The following KDM1B variants were observed in gnomAD, a reference collection of about 807,000 sequenced individuals.
KDM1B encodes lysine demethylase 1B.
KDM1B carries 63 observed loss-of-function variants against 107.4 expected under a neutral mutation model. The ratio of observed to expected loss-of-function variants is 0.59; its 90% CI spans 0.48 to 0.72. The LOEUF (loss-of-function observed/expected upper bound fraction) is 0.72, where lower values mean the gene tolerates loss of function less well. KDM1B is among the 30% of genes least tolerant of loss of function. KDM1B has a pLI of 0.00. For synonymous variants in KDM1B, 363 were observed against 363.9 expected (o/e 1.00, Z 0.03); for missense variants, 749 against 1,020.8 (o/e 0.73, Z 3.63).
At chr6:18,187,707 A>G (rs1786968194) in intron 8 of KDM1B, 85 bp from the exon 9 acceptor site, 3 of 900,042 alleles carry the variant, frequency 3.3e-6, no homozygotes, top group Non-Finnish European at 5.3e-6. Flanking sequence ...AAGTGAAACG[A>G]AGAGAACCCT....
rs1554154509 is a variant in KDM1B at position 18,223,353 on chromosome 6, C to CCCA, written c.*1362_*1364dup. On this transcript the variant is annotated 3_prime_UTR_variant, in exon 22 of 22. Transcript: ENST00000650836. ...CCCCCACCGCCCGCCCCCCGCCCCC[C>CCCA]CCAATCAAAGTGTGGTCCCAAAACA... 18 of 136,954 alleles carry CCCA rather than the reference C, an allele frequency of 1.3e-4. No individual in the cohort carries two copies. The highest frequency in any genetic ancestry group is 5.0e-4 in the African/African-American group (18 of 35,920). 8.5% of individuals were successfully genotyped at this position (136,954 alleles called of 1,614,324 possible). A position where few individuals can be genotyped will look rare whatever the true frequency, so the allele number is the denominator to read the frequency against.
chr6:18,193,213 AAAG>A (rs1787400786), intron 10 of KDM1B, among the ~76,000 whole-genome samples: 1 of 150,822 alleles, frequency 6.6e-6, no homozygotes, highest in Non-Finnish European at 1.5e-5. Context: ...AAAAAAAAAA[AAAG>A]AATTTATATA....
In KDM1B at chr6:18,203,681, T is replaced by C. The variant is rs920719895; in HGVS notation, c.1532-1856T>C. On this transcript the variant is annotated intron_variant, in intron 14 of 21. Transcript: ENST00000650836. This position sits in a 1 kb window ranked among gnomAD's most constrained non-coding sequence, Gnocchi z 5.5. ...CAGCCTGGCTAACATGGTGAAACCC[T>C]GTCTCTACTAATAATACAAAAATTA... Among the ~76,000 whole-genome samples, 40 of 151,796 alleles carry C rather than the reference T, an allele frequency of 2.6e-4. No homozygotes were observed. Among genetic ancestry groups the C allele is most frequent in the Non-Finnish European group, 8.8e-5 (6 of 67,910 alleles).
intron 21 of KDM1B, among the ~76,000 whole-genome samples, chr6:18,219,931 A>G (rs1789549452): frequency 6.6e-6 from 1 of 152,166 alleles, no homozygotes; most frequent in South Asian, 2.1e-4. Context: ...CTGATCTCTA[A>G]GTCACATCTC....
At chr6:18,169,868 T>C (rs1322326938) in intron 6 of KDM1B, among the ~76,000 whole-genome samples, 5 of 152,186 alleles carry the variant, frequency 3.3e-5, no homozygotes, top group Non-Finnish European at 7.3e-5. Context: ...TGCATGCTTT[T>C]AAAAAATAAA....
Position 18,201,678 on chromosome 6 carries a change from T to C in KDM1B, c.1531+21T>C. The C allele has an allele frequency of 6.6e-7, 1 of 1,522,194 alleles. No homozygotes were observed. The highest frequency in any genetic ancestry group is 8.8e-7 in the Non-Finnish European group (1 of 1,134,404). The allele number at this position is 1,522,194 out of a possible 1,614,324, so 94.3% of individuals were successfully genotyped here. ...AGGAGGTATGGGGAGAACGGTGTTC[T>C]GATTGTTCCATCTCAGTTTCGTTGT... is the stretch of plus-strand genomic sequence containing the variant. On this transcript the variant is annotated intron_variant, in intron 14 of 21. Transcript: ENST00000650836. This position sits in a 1 kb window ranked among gnomAD's most constrained non-coding sequence, Gnocchi z 4.3.
chr6:18,221,830 T>A, intron 21 of KDM1B, 79 bp from the exon 22 acceptor site: 1 of 1,148,840 alleles, frequency 8.7e-7, no homozygotes, highest in Non-Finnish European at 1.3e-6. Flanking sequence ...TTAGACCAGA[T>A]AAAGTCTAAC....
intron 6 of KDM1B, among the ~76,000 whole-genome samples, 178 bp downstream of exon 6, chr6:18,166,556 G>A (rs1228033032): frequency 1.3e-5 from 2 of 152,162 alleles, no homozygotes; most frequent in Non-Finnish European, 2.9e-5. Context: ...TATAAAAGAG[G>A]AAACTAGGCT....
chr6:18,181,422 A>G (rs1204788536), intron 7 of KDM1B, among the ~76,000 whole-genome samples: 3 of 152,204 alleles, frequency 2.0e-5, no homozygotes, highest in Non-Finnish European at 4.4e-5. Context: ...TTATCCCAAG[A>G]AATAAGTTTC....
At chr6:18,196,193 C>T (rs1293109764) in intron 10 of KDM1B, among the ~76,000 whole-genome samples, 1 of 152,102 alleles carries the variant, frequency 6.6e-6, no homozygotes, top group Admixed American at 6.6e-5. Flanking sequence ...GAATAGTATT[C>T]CATTGTGTGG....
intron 5 of KDM1B, among the ~76,000 whole-genome samples, chr6:18,165,912 T>C (rs1258028515): frequency 6.6e-6 from 1 of 152,138 alleles, no homozygotes; most frequent in Admixed American, 6.6e-5. Context: ...TCGCTTGAGC[T>C]TGGGAGTTCG....
Position 18,201,384 on chromosome 6 carries a change from G to A in KDM1B, c.1360-102G>A, listed in dbSNP as rs1788020264. ...TTAGCTTTATTTTTGAGAGATATGA[G>A]ACCATTTTCTCCATGAGAGCTCTGT... On this transcript the variant is annotated intron_variant, in intron 13 of 21. Transcript: ENST00000650836. This position sits in a 1 kb window ranked among gnomAD's most constrained non-coding sequence, Gnocchi z 4.3. 6 of 807,832 alleles carry A rather than the reference G, an allele frequency of 7.4e-6. No individual in the cohort carries two copies. Among genetic ancestry groups the A allele is most frequent in the Non-Finnish European group, 5.8e-6 (3 of 517,252 alleles). The allele number at this position is 807,832 out of a possible 1,614,324, so 50.0% of individuals were successfully genotyped here. A position where few individuals can be genotyped will look rare whatever the true frequency, so the allele number is the denominator to read the frequency against.
Position 18,212,451 on chromosome 6 carries a change from T to G in KDM1B, c.1867-37T>G, listed in dbSNP as rs199734619. 1.6e-5 allele frequency: 19 copies of G among 1,211,992 alleles called. No homozygotes were observed. In the East Asian group the frequency reaches 2.8e-4, roughly 18 times the overall value. 75.1% of individuals were successfully genotyped at this position (1,211,992 alleles called of 1,614,324 possible). On this transcript the variant is annotated intron_variant, in intron 17 of 21. Coordinates refer to ENST00000650836, the MANE Select transcript of KDM1B (RefSeq NM_001364614.2). The surrounding 1 kb of genome is among the most constrained non-coding windows in gnomAD (Gnocchi z 5.2). Reference sequence around the variant, plus strand: ...GTGTAGTGGTAGTGTGAGGTTCTGTTGCTGTTTGTTTGTTAACTGTTAATT... The same window carrying G: ...GTGTAGTGGTAGTGTGAGGTTCTGTGGCTGTTTGTTTGTTAACTGTTAATT...
intron 10 of KDM1B, among the ~76,000 whole-genome samples, chr6:18,193,125 G>A (rs1364504892): frequency 3.4e-5 from 5 of 148,956 alleles, no homozygotes; most frequent in Admixed American, 3.4e-4. Context: ...AACCCAGGAG[G>A]AGGAGGCTGC....
Position 18,162,983 on chromosome 6 carries a change from C to A in KDM1B, c.305+59C>A. The A allele has an allele frequency of 9.9e-7, 1 of 1,005,522 alleles. No individual in the cohort carries two copies. The highest frequency in any genetic ancestry group is 1.6e-6 in the Non-Finnish European group (1 of 626,198). The allele number at this position is 1,005,522 out of a possible 1,614,324, so 62.3% of individuals were successfully genotyped here. ...GAAGGGGACCGTGGCAGGGGCAGTG[C>A]GTGTGGTCAGCTGATTAAAGCTTAG... On this transcript the variant is annotated intron_variant, in intron 5 of 21. Coordinates refer to ENST00000650836, the MANE Select transcript of KDM1B (RefSeq NM_001364614.2). The surrounding 1 kb of genome is among the most constrained non-coding windows in gnomAD (Gnocchi z 4.1).
At chr6:18,165,346 G>A (rs1219278387) in intron 5 of KDM1B, among the ~76,000 whole-genome samples, 2 of 150,912 alleles carry the variant, frequency 1.3e-5, no homozygotes, top group African/African-American at 4.9e-5. Context: ...TAGCCAGGAT[G>A]GTCTCGATCT....
At chr6:18,156,953 A>AGAAAAACCTAG (rs1215746591) in intron 2 of KDM1B, among the ~76,000 whole-genome samples, 1 of 152,188 alleles carries the variant, frequency 6.6e-6, no homozygotes, top group Non-Finnish European at 1.5e-5. Context: ...AAGCTGCTTC[A>AGAAAAACCTAG]GAAAAACCTA....
chr6:18,196,289 T>G (rs1787644818), intron 10 of KDM1B, among the ~76,000 whole-genome samples: 1 of 152,318 alleles, frequency 6.6e-6, no homozygotes, highest in East Asian at 1.9e-4. Flanking sequence ...GCAATGAACA[T>G]GGGAGTGCAC....
intron 8 of KDM1B, among the ~76,000 whole-genome samples, chr6:18,187,242 C>A (rs554093750): frequency 6.6e-6 from 1 of 152,252 alleles, no homozygotes; most frequent in African/African-American, 2.4e-5. Context: ...TGCTTTTGTT[C>A]AGTTCTACAT....
Sources: allele counts gnomAD v4.1 joint callset (sites outside exome capture counted in the v4.1 genomes callset), GRCh38; gene constraint gnomAD v4.1.1; non-coding constraint Gnocchi (gnomAD v3.1); transcripts MANE v1.5; gene names NCBI Gene and HGNC (gene_info 2026-07-23, HGNC 2026-07-21).